The following SETD2 variants were observed in gnomAD, a reference collection of about 807,000 sequenced individuals.
SETD2 encodes SET domain containing 2, histone lysine methyltransferase.
Under a neutral mutation model 242.1 loss-of-function variants are expected in SETD2, and 31 were observed. The observed-to-expected ratio is 0.13, with a 90% CI of 0.10 to 0.17. The LOEUF (loss-of-function observed/expected upper bound fraction) is 0.17, where lower values mean the gene tolerates loss of function less well. Ranked by LOEUF, SETD2 falls within the 10% of genes least tolerant of loss-of-function variation. SETD2 has a pLI of 1.00. For synonymous variants in SETD2, 1,006 were observed against 1,066.5 expected, an observed-to-expected ratio of 0.94 and a Z score of 1.11; for missense variants, 2,481 against 3,046.3, an observed-to-expected ratio of 0.81 and a Z score of 4.37.
At chr3:47,077,258 A>T (rs111661878) in intron 12 of SETD2, among the ~76,000 whole-genome samples, 6 of 152,068 alleles carry the variant, frequency 3.9e-5, no homozygotes, top group Non-Finnish European at 7.4e-5. Flanking sequence ...TAATTTTTGT[A>T]TTTTTGTAGA....
At chr3:47,159,202 C>T (rs1697408084) in intron 1 of SETD2, among the ~76,000 whole-genome samples, 1 of 152,190 alleles carries the variant, frequency 6.6e-6, no homozygotes, top group South Asian at 2.1e-4. Flanking sequence ...TGAATAATAC[C>T]TAAACTGGTG....
intron 17 of SETD2, among the ~76,000 whole-genome samples, chr3:47,038,255 T>C (rs2039112271): frequency 6.6e-6 from 1 of 152,118 alleles, no homozygotes; most frequent in Non-Finnish European, 1.5e-5. Context: ...CTTTAGGAGT[T>C]TTCTTTTTAA....
chr3:47,102,772 CAAA>C (rs5848821), intron 7 of SETD2, among the ~76,000 whole-genome samples: 6 of 97,896 alleles, frequency 6.1e-5, no homozygotes, highest in Admixed American at 1.1e-4. Flanking sequence ...CCAGCCTGGG[CAAA>C]AAAAAAAAAA....
At chr3:47,042,957 CT>C (rs2039350969) in intron 16 of SETD2, among the ~76,000 whole-genome samples, 1 of 150,446 alleles carries the variant, frequency 6.6e-6, no homozygotes, top group South Asian at 2.1e-4. Context: ...CATTTTTCAA[CT>C]TTAAAACACC....
intron 18 of SETD2, among the ~76,000 whole-genome samples, chr3:47,020,134 G>C (rs919445665): frequency 2.6e-5 from 4 of 152,158 alleles, no homozygotes; most frequent in South Asian, 2.1e-4. Context: ...TCATGTCCCT[G>C]TTCTGGGTTC....
chr3:47,095,183 T>C (rs894543498), intron 9 of SETD2, among the ~76,000 whole-genome samples: 1 of 152,244 alleles, frequency 6.6e-6, no homozygotes, highest in African/African-American at 2.4e-5. Context: ...TAGCCTAGGC[T>C]GGAGTGCAGT....
At position 47,056,062 on chromosome 3, in the gene SETD2, T is replaced by TAA. The variant is rs1188750643; in HGVS notation, c.6963+757_6963+758dup. 1.3e-3 allele frequency among the ~76,000 whole-genome samples: 129 copies of TAA among 101,104 alleles called. 2 individuals are homozygous for TAA. The highest frequency in any genetic ancestry group is 4.0e-3 in the African/African-American group (113 of 27,984). 66.3% of individuals were successfully genotyped at this position (101,104 alleles called of 152,430 possible). ...AAAAAAAGTTCTGCCTTGTATAATC[T>TAA]AAAAAAAAAAAAAAAGAAAAGAAAA... On this transcript the variant is annotated intron_variant, in intron 15 of 20. Transcript: ENST00000409792.
chr3:47,124,533 C>T lies in SETD2; in HGVS notation c.103G>A (p.Val35Met), dbSNP rs868820087. 5.2e-6 allele frequency: 8 copies of T among 1,539,190 alleles called. No homozygotes were observed. The highest frequency in any genetic ancestry group is 2.1e-5 in the Admixed American group (1 of 48,568). Residue 35 changes from valine to methionine, a missense_variant, in exon 3 of 21, where the codon GTG becomes ATG. By Grantham distance (21) the Val-to-Met change is conservative. Transcript: ENST00000409792. ...EEENEAKIEN[V>M]QKTGFIKGPM... ...CCTTTGATGAAACCTGTTTTCTGCACATTTTCAATCTTTGCCTACAAATGA... is the reference window on the plus strand; with the variant it reads ...CCTTTGATGAAACCTGTTTTCTGCATATTTTCAATCTTTGCCTACAAATGA...
chr3:47,140,305 A>G (rs1475872781), intron 1 of SETD2, among the ~76,000 whole-genome samples: 2 of 152,176 alleles, frequency 1.3e-5, no homozygotes, highest in Non-Finnish European at 2.9e-5. Flanking sequence ...TGTTAAAGCC[A>G]TCTGCTTTTT....
chr3:47,112,112 A>G (rs2042676010), intron 5 of SETD2, among the ~76,000 whole-genome samples: 2 of 134,658 alleles, frequency 1.5e-5, no homozygotes, highest in South Asian at 4.7e-4. Flanking sequence ...TTCATTAAGA[A>G]TACTTTTTTT....
At chr3:47,129,628 G>C (rs577394203) in intron 1 of SETD2, among the ~76,000 whole-genome samples, 1 of 152,350 alleles carries the variant, frequency 6.6e-6, no homozygotes, top group African/African-American at 2.4e-5. Flanking sequence ...GCTCACGCCT[G>C]TAATCCCAGC....
At chr3:47,106,158 A>T in intron 5 of SETD2, 38 bp from the exon 6 acceptor site, 1 of 1,588,516 alleles carries the variant, frequency 6.3e-7, no homozygotes, top group South Asian at 1.1e-5. Context: ...CTTCCTACCT[A>T]GGAGCAGTAG....
At chr3:47,145,435 G>C (rs1203509447) in intron 1 of SETD2, 4 of 344,578 alleles carry the variant, frequency 1.2e-5, no homozygotes, top group Non-Finnish European at 2.4e-5. Context: ...TTGTTGCCCA[G>C]GCTGGAGCAA....
In SETD2 at chr3:47,084,094, C is replaced by G. The variant is rs369233898; in HGVS notation, c.5686G>C (p.Ala1896Pro). The change falls in exon 12 of 21, where the codon GCA becomes CCA. Residue 1896 changes from alanine (A) to proline (P), a missense_variant. This residue lies in a region of SETD2 where 203 missense variants were observed against 222.4 expected (regional missense o/e 0.91). Coordinates refer to ENST00000409792, the MANE Select transcript of SETD2 (RefSeq NM_014159.7). ...TCCTTGCCTTCTAGCTCACTGGTTG[C>G]ATCAGAGATTGCACTGTCCATGCTA... ...ENSMDSAISD[A>P]TSELEGKDGK... 1.5e-5 allele frequency: 25 copies of G among 1,614,072 alleles called. No individual in the cohort carries two copies. In the African/African-American group the frequency reaches 2.1e-4, roughly 14 times the overall value.
chr3:47,050,062 C>A (rs1361410435), intron 15 of SETD2, among the ~76,000 whole-genome samples: 1 of 148,526 alleles, frequency 6.7e-6, no homozygotes, highest in Non-Finnish European at 1.5e-5. Context: ...GGAAACATGA[C>A]CAAGTATTTC....
rs561936330 is a variant in SETD2, at chr3:47,064,302, G to A, written c.6110-1956C>T. On this transcript the variant is annotated intron_variant, in intron 13 of 20. Transcript: ENST00000409792. The stretch of plus-strand genomic sequence containing the variant: ...AAACTACAGCCAGGTATGAGCATTC[G>A]TCAACAAGAAGCTAACAGAACTCAT... Among the ~76,000 whole-genome samples, 67 of 152,180 alleles carry A rather than the reference G, an allele frequency of 4.4e-4. No homozygotes were observed. The South Asian group carries it at 0.013, about 29-fold the overall frequency.
rs1331628375 is a variant in SETD2 at position 47,119,828 on chromosome 3, C to A, written c.4454+354G>T. 12 of 478,122 alleles carry A rather than the reference C, an allele frequency of 2.5e-5. No homozygotes were observed. The Admixed American group carries it at 3.0e-4, about 12-fold the overall frequency. 29.6% of individuals were successfully genotyped at this position (478,122 alleles called of 1,614,324 possible). On this transcript the variant is annotated intron_variant, in intron 3 of 20. Coordinates refer to ENST00000409792, the MANE Select transcript of SETD2 (RefSeq NM_014159.7). ...TCCAAAGTAACCACTTTTTTCTTCTCTAAGTACAGATTATTTTGCTGGGGT... is the reference window on the plus strand; with the variant it reads ...TCCAAAGTAACCACTTTTTTCTTCTATAAGTACAGATTATTTTGCTGGGGT...
chr3:47,033,652 A>AT (rs34978514), intron 18 of SETD2, among the ~76,000 whole-genome samples: 42,701 of 90,504 alleles, frequency 0.47, 14,906 homozygotes, highest in East Asian at 0.55. Context: ...TCATGGTTTG[A>AT]TTTTTTTTTT....
Position 47,122,653 on chromosome 3 carries a change from A to G in SETD2, c.1983T>C (p.Asp661=). 1.2e-6 allele frequency: 2 copies of G among 1,613,474 alleles called. No homozygotes were observed. Among genetic ancestry groups the G allele is most frequent in the South Asian group, 2.2e-5 (2 of 91,072 alleles). ...CTATGGGACAAAAACTTCTTAATTG[A>G]TCATTCTTCACTTTAGATAAAGAGT... ...ELDSLSKVKN[D]QLRSFCPIEL... The change falls in exon 3 of 21, where the codon GAT becomes GAC. Residue 661 remains aspartate, a synonymous_variant. Coordinates refer to ENST00000409792, the MANE Select transcript of SETD2 (RefSeq NM_014159.7).
Sources: gnomAD v4.1 joint callset for allele counts (sites outside exome capture counted in the v4.1 genomes callset) on GRCh38, gnomAD v4.1.1 for gene constraint, gnomAD v4.1.1 regional missense constraint, MANE v1.5 for transcripts, NCBI Gene and HGNC (gene_info 2026-07-23, HGNC 2026-07-21) for gene names.